Variants in IGFN1 observed in about 807,000 individuals in gnomAD.
IGFN1 encodes the protein immunoglobulin-like and fibronectin type III domain-containing protein 1.
IGFN1 carries 253 observed loss-of-function variants against 289.5 expected under a neutral mutation model. The ratio of observed to expected loss-of-function variants is 0.87; its 90% confidence interval spans 0.79 to 0.97. The LOEUF (loss-of-function observed/expected upper bound fraction) is 0.97. Among genes scored for constraint, IGFN1 ranks in the 50% least tolerant of loss-of-function variants. The pLI is 0.00. For missense variants in IGFN1, 4,470 were observed against 4,686.1 expected, an observed-to-expected ratio of 0.95 and a Z score of 1.35; for synonymous variants, 1,706 against 1,788.5, an observed-to-expected ratio of 0.95 and a Z score of 1.16.
rs764363273 is a variant in IGFN1 at position 201,211,340 on chromosome 1, T to C, written c.6447T>C (p.Pro2149=). 5.5e-5 allele frequency: 83 copies of C among 1,498,384 alleles called. No individual in the cohort carries two copies. The highest frequency in any genetic ancestry group is 6.1e-5 in the Non-Finnish European group (69 of 1,122,672). The allele number at this position is 1,498,384 out of a possible 1,614,324, so 92.8% of individuals were successfully genotyped here. A position where few individuals can be genotyped will look rare whatever the true frequency, so the allele number is the denominator to read the frequency against. Residue 2149 remains proline, a synonymous_variant, in exon 12 of 24, where the codon CCT becomes CCC. Transcript: ENST00000335211. ...GTTATAGGAAGGATTTGGGGGCTCCTAAGGGAATGGGTTCAGAGAGTAAGG... is the reference window on the plus strand; with the variant it reads ...GTTATAGGAAGGATTTGGGGGCTCCCAAGGGAATGGGTTCAGAGAGTAAGG... ...EAGYRKDLGA[P]KGMGSESKAG...
At position 201,208,609 on chromosome 1, in the gene IGFN1, T is replaced by C. The variant is rs749481615; in HGVS notation, c.3716T>C (p.Leu1239Pro). The change falls in exon 12 of 24, where the codon CTT (leucine) becomes CCT (proline). Residue 1239 changes from leucine to proline, a missense_variant. Transcript: ENST00000335211. ...RTAYGERSRG[L>P]GPRSTGPGGE... is the part of the protein sequence containing the mutation. ...GCCTATGGAGAAAGGTCAAGGGGCCTTGGGCCTAGGAGTACAGGGCCAGGG... is the reference window on the plus strand; with the variant it reads ...GCCTATGGAGAAAGGTCAAGGGGCCCTGGGCCTAGGAGTACAGGGCCAGGG... The C allele has an allele frequency of 6.6e-7, 1 of 1,508,652 alleles. No homozygotes were observed. The highest frequency in any genetic ancestry group is 2.2e-5 in the Admixed American group (1 of 45,184). 93.5% of individuals were successfully genotyped at this position (1,508,652 alleles called of 1,614,324 possible).
chr1:201,215,482 A>C, intron 14 of IGFN1, 57 bp from the exon 15 acceptor site: 1 of 1,447,050 alleles, frequency 6.9e-7, no homozygotes, highest in Non-Finnish European at 9.3e-7. Context: ...CCTCCTTTCT[A>C]TATTCCCCAG....
In IGFN1 at chr1:201,213,452, G is replaced by A; in HGVS notation, c.8559G>A (p.Leu2853=). ...CTATGGGAGAGAACTGGGGGTGCCT[G>A]GAGGAGATGCTGAATGAAGATCAGA... The part of the protein sequence containing the change: ...WQPMGENWGC[L]EEMLNEDQSR... The change falls in exon 12 of 24, where the codon CTG becomes CTA. Residue 2853 remains leucine, a synonymous_variant. Coordinates refer to ENST00000335211, the MANE Select transcript of IGFN1 (RefSeq NM_001164586.2). The A allele has an allele frequency of 1.2e-6, 2 of 1,614,076 alleles. No homozygotes were observed. Among genetic ancestry groups the A allele is most frequent in the South Asian group, 1.1e-5 (1 of 91,076 alleles).
chr1:201,194,074 G>A (rs1418018120), intron 2 of IGFN1, 80 bp from the exon 3 acceptor site: 4 of 1,498,880 alleles, frequency 2.7e-6, no homozygotes, highest in Non-Finnish European at 3.6e-6. Context: ...GGGTGAGTGG[G>A]TGGATGCCCA....
chr1:201,199,751 C>A, intron 7 of IGFN1, 97 bp downstream of exon 7: 1 of 1,038,106 alleles, frequency 9.6e-7, no homozygotes, highest in Non-Finnish European at 1.4e-6. Context: ...CCCACCTCTA[C>A]CCAACACAGC....
At chr1:201,202,335 C>T (rs904429492) in intron 9 of IGFN1, among the ~76,000 whole-genome samples, 4 of 152,196 alleles carry the variant, frequency 2.6e-5, no homozygotes, top group East Asian at 1.9e-4. Context: ...CCCCATGCCT[C>T]GGCTTCCTCA....
rs1666767403 is a variant in IGFN1 at position 201,193,821 on chromosome 1, G to C, written c.8-333G>C. On this transcript the variant is annotated intron_variant, in intron 2 of 23. Coordinates refer to ENST00000335211, the MANE Select transcript of IGFN1 (RefSeq NM_001164586.2). ...TAAGGAGTGCAAAGCCCCCACACGA[G>C]CTCCTGCTTCTTGGCTTCCTGAGAA... is the stretch of plus-strand genomic sequence containing the variant. 2.0e-5 allele frequency among the ~76,000 whole-genome samples: 3 copies of C among 152,114 alleles called. No homozygotes were observed. In the South Asian group the frequency reaches 6.2e-4, roughly 32 times the overall value.
rs1304936229 is a variant in IGFN1, at chr1:201,209,575, T to C, written c.4682T>C (p.Val1561Ala). The change falls in exon 12 of 24, where the codon GTG (valine) becomes GCG (alanine). Residue 1561 changes from valine to alanine, a missense_variant. Transcript: ENST00000335211. ...GLGGSEEMGS[V>A]NKAGYRKDLG... is the part of the protein sequence containing the mutation. ...GGAGGTTCTGAAGAAATGGGGTCAG[T>C]GAATAAGGCAGGTTATAGGAAGGAT... The C allele has an allele frequency of 8.5e-6, 13 of 1,526,578 alleles. No homozygotes were observed. The highest frequency in any genetic ancestry group is 9.6e-6 in the Non-Finnish European group (11 of 1,141,510). 94.6% of individuals were successfully genotyped at this position (1,526,578 alleles called of 1,614,324 possible).
Position 201,211,142 on chromosome 1 carries a change from G to C in IGFN1, c.6249G>C (p.Gly2083=), listed in dbSNP as rs781210578. 4.6e-5 allele frequency: 71 copies of C among 1,527,836 alleles called. No individual in the cohort carries two copies. The highest frequency in any genetic ancestry group is 3.4e-4 in the Middle Eastern group (2 of 5,946). 94.6% of individuals were successfully genotyped at this position (1,527,836 alleles called of 1,614,324 possible). Residue 2083 remains glycine, a synonymous_variant, in exon 12 of 24, where the codon GGG becomes GGC. Transcript: ENST00000335211. ...DLGAPKGMGS[G]SKTGFRDGLG... ...GGGCTCCTAAGGGAATGGGTTCAGG[G>C]AGTAAGACAGGTTTCAGGGATGGTT...
chr1:201,195,910 G>T lies in IGFN1; in HGVS notation c.199G>T (p.Gly67Cys), dbSNP rs1179818606. 6 of 1,551,690 alleles carry T rather than the reference G, an allele frequency of 3.9e-6. No homozygotes were observed. The highest frequency in any genetic ancestry group is 5.2e-6 in the Non-Finnish European group (6 of 1,147,016). Residue 67 changes from glycine to cysteine, a missense_variant, in exon 4 of 24, where the codon GGT becomes TGT. Gly to Cys is a radical substitution (Grantham distance 159, BLOSUM62 -3). Transcript: ENST00000335211. ...RPEVRWQNSK[G>C]DLSDSSKYKI... ...CGAGGTGCGTTGGCAGAACTCCAAA[G>T]GTGACCTCAGTGATTCCAGCAAGTA...
At chr1:201,216,163 G>A (rs1372502325) in intron 15 of IGFN1, 15 of 608,698 alleles carry the variant, frequency 2.5e-5, no homozygotes, top group Non-Finnish European at 3.6e-5. Context: ...GCTCTTGGCC[G>A]AGCAGGTGCC....
rs1261062736 is a variant in IGFN1 at position 201,212,869 on chromosome 1, C to T, written c.7976C>T (p.Ala2659Val). The T allele has an allele frequency of 4.5e-6, 7 of 1,551,200 alleles. No homozygotes were observed. In the East Asian group the frequency reaches 1.5e-4, roughly 33 times the overall value. ...TCCGGTTCTCTGCAGGAGAAAGATG[C>T]CGCTTTTGGTGGGACCCATGAAGGG... ...RASGSLQEKD[A>V]AFGGTHEGPG... The change falls in exon 12 of 24, where the codon GCC becomes GTC. Residue 2659 changes from alanine (A) to valine (V), a missense_variant. By Grantham distance (64) the Ala-to-Val change is moderately conservative. Transcript: ENST00000335211.
rs1439819223 is a variant in IGFN1, at chr1:201,228,900, C to T, written c.*501C>T. On this transcript the variant is annotated 3_prime_UTR_variant, in exon 24 of 24. Transcript: ENST00000335211. ...CTGGATTCAAGAGATTCCAGGGGTG[C>T]AGCAAGTGCTTTCTATGCGTTTCTT... 1 of 157,274 alleles carries T rather than the reference C, an allele frequency of 6.4e-6. No individual in the cohort carries two copies. Among genetic ancestry groups the T allele is most frequent in the Non-Finnish European group, 1.4e-5 (1 of 71,638 alleles). 9.7% of individuals were successfully genotyped at this position (157,274 alleles called of 1,614,324 possible).
chr1:201,224,067 T>C (rs1259467968), intron 20 of IGFN1, among the ~76,000 whole-genome samples: 2 of 152,216 alleles, frequency 1.3e-5, no homozygotes, highest in African/African-American at 4.8e-5. Context: ...TATCAGCATC[T>C]TCGTTTGACT....
chr1:201,224,615 T>C, intron 20 of IGFN1, 64 bp from the exon 21 acceptor site: 10 of 1,418,538 alleles, frequency 7.0e-6, no homozygotes, highest in Admixed American at 1.8e-5. Context: ...CTAGCTTAAA[T>C]GCCATCACCT....
chr1:201,206,642 C>T lies in IGFN1; in HGVS notation c.1749C>T (p.Asp583=), dbSNP rs1416482873. ...GGGAAGGAAAGGAGCACAGAGGGGA[C>T]AGTGGAAGACAACTGGACAGGCATG... ...SSREGKEHRG[D]SGRQLDRHAP... Residue 583 remains aspartate (D), a synonymous_variant, in exon 12 of 24, where the codon GAC becomes GAT. Transcript: ENST00000335211. 1.3e-6 allele frequency: 2 copies of T among 1,538,756 alleles called. No homozygotes were observed. Among genetic ancestry groups the T allele is most frequent in the African/African-American group, 1.4e-5 (1 of 73,014 alleles).
At chr1:201,195,292 C>A (rs1666866159) in intron 3 of IGFN1, among the ~76,000 whole-genome samples, 1 of 152,136 alleles carries the variant, frequency 6.6e-6, no homozygotes, top group African/African-American at 2.4e-5. Context: ...GCTGGGATTA[C>A]AGGCACATGC....
Position 201,212,116 on chromosome 1 carries a change from G to A in IGFN1, c.7223G>A (p.Arg2408Gln), listed in dbSNP as rs577466588. The stretch of plus-strand genomic sequence containing the variant: ...ACGAACTCCAAGGATGGTCCAGAGC[G>A]AGCCAGGGAAACCAGGCTTGTGGAT... ...GDTNSKDGPE[R>Q]ARETRLVDGA... The change falls in exon 12 of 24, where the codon CGA becomes CAA. Residue 2408 changes from arginine to glutamine, a missense_variant. Physicochemically the swap from Arg to Gln is conservative, Grantham distance 43. Transcript: ENST00000335211. 36 of 1,536,520 alleles carry A rather than the reference G, an allele frequency of 2.3e-5. No homozygotes were observed. In the Admixed American group the frequency reaches 3.3e-4, roughly 14 times the overall value.
chr1:201,222,065 A>C, intron 19 of IGFN1: 1 of 215,940 alleles, frequency 4.6e-6, no homozygotes, highest in Non-Finnish European at 9.0e-6. Flanking sequence ...AAACCTGGAG[A>C]CTCCAAAGTT....
Sources: allele counts gnomAD v4.1 joint callset (sites outside exome capture counted in the v4.1 genomes callset), GRCh38; gene constraint gnomAD v4.1.1; transcripts MANE v1.5; gene names NCBI Gene and HGNC (gene_info 2026-07-23, HGNC 2026-07-21).